ICA1: variants seen among roughly 807,000 people sequenced by gnomAD.
The protein encoded by ICA1 is islet cell autoantigen 1.
A neutral mutation model predicts 71.0 loss-of-function variants in ICA1; 40 were observed. The observed-to-expected ratio is 0.56, with a 90% CI of 0.44 to 0.73. ICA1 has a LOEUF of 0.73. Ranked by LOEUF, ICA1 falls within the 30% of genes least tolerant of loss-of-function variation. ICA1 has a pLI of 0.00. For synonymous variants in ICA1, 207 were observed against 209.5 expected, an observed-to-expected ratio of 0.99 and a Z score of 0.10; for missense variants, 578 against 576.5, an observed-to-expected ratio of 1.00 and a Z score of -0.03.
chr7:8,185,984 A>G (rs1313957177), intron 6 of ICA1, among the ~76,000 whole-genome samples: 2 of 152,218 alleles, frequency 1.3e-5, no homozygotes, highest in Non-Finnish European at 2.9e-5. Context: ...CTGAAAGAGG[A>G]GCTATACAGC....
intron 6 of ICA1, among the ~76,000 whole-genome samples, chr7:8,188,452 G>A (rs1351571040): frequency 2.6e-5 from 4 of 152,134 alleles, no homozygotes; most frequent in African/African-American, 7.2e-5. Flanking sequence ...CATAATGTCC[G>A]ATATCAAGGC....
Position 8,199,584 on chromosome 7 carries a change from GGT to G in ICA1, c.579+18719_579+18720del, listed in dbSNP as rs1788849634. ...AAAAAATTAGCCGGGTGTGGTGACA[GGT>G]GCCTGTAATCCCAGCTACTCAGGAG... On this transcript the variant is annotated intron_variant, in intron 6 of 13. Transcript: ENST00000402384. Among the ~76,000 whole-genome samples, 5 of 152,172 alleles carry G rather than the reference GGT, an allele frequency of 3.3e-5. No individual in the cohort carries two copies. The South Asian group carries it at 8.3e-4, about 25-fold the overall frequency.
chr7:8,125,243 G>A (rs1441853739), intron 13 of ICA1, among the ~76,000 whole-genome samples: 2 of 152,208 alleles, frequency 1.3e-5, no homozygotes, highest in Non-Finnish European at 2.9e-5. Context: ...CTGAAAAAAG[G>A]TCTAAGTTCT....
chr7:8,195,667 C>T (rs559145493), intron 6 of ICA1, among the ~76,000 whole-genome samples: 3 of 152,196 alleles, frequency 2.0e-5, no homozygotes, highest in African/African-American at 7.2e-5. Flanking sequence ...CAACAGTGCT[C>T]CTTGGTGTCC....
At chr7:8,165,238 T>A (rs994599214) in intron 6 of ICA1, among the ~76,000 whole-genome samples, 1 of 152,266 alleles carries the variant, frequency 6.6e-6, no homozygotes, top group Non-Finnish European at 1.5e-5. Context: ...TTCCTTTAAT[T>A]AACAATTTAT....
chr7:8,261,844 C>G (rs1812586766), intron 1 of ICA1, among the ~76,000 whole-genome samples: 1 of 152,188 alleles, frequency 6.6e-6, no homozygotes, highest in African/African-American at 2.4e-5. Flanking sequence ...GGCTGACGCA[C>G]GCTCTCACGG....
chr7:8,247,833 G>T (rs57921261), intron 1 of ICA1, among the ~76,000 whole-genome samples: 5,128 of 152,252 alleles, frequency 0.034, 160 homozygotes, highest in African/African-American at 0.08. Context: ...ATTATGCAAA[G>T]AATCTAAAAT....
chr7:8,237,609 C>A (rs1186929681), intron 1 of ICA1, among the ~76,000 whole-genome samples: 2 of 152,108 alleles, frequency 1.3e-5, no homozygotes, highest in Non-Finnish European at 2.9e-5. Context: ...CCTCCCACAG[C>A]CCCCAGCAAC....
intron 13 of ICA1, among the ~76,000 whole-genome samples, chr7:8,121,402 A>C (rs1237935600): frequency 1.3e-5 from 2 of 152,210 alleles, no homozygotes; most frequent in African/African-American, 4.8e-5. Context: ...GACAACCTAG[A>C]GCAAGAGACA....
chr7:8,178,814 G>C (rs951720736), intron 6 of ICA1, among the ~76,000 whole-genome samples: 3 of 152,076 alleles, frequency 2.0e-5, no homozygotes, highest in Non-Finnish European at 2.9e-5. Context: ...ATCCAGTAAC[G>C]CTTGGTGTCA....
At chr7:8,128,167 A>G (rs761346461) in intron 12 of ICA1, 25 bp from the exon 13 acceptor site, 2 of 1,606,974 alleles carry the variant, frequency 1.2e-6, no homozygotes, top group Non-Finnish European at 1.7e-6. Flanking sequence ...AGAGAACAAA[A>G]CGTCACCACG....
chr7:8,129,349 A>G (rs1790541984), intron 12 of ICA1, among the ~76,000 whole-genome samples: 3 of 151,768 alleles, frequency 2.0e-5, no homozygotes, highest in African/African-American at 7.3e-5. Context: ...AATGTATAAG[A>G]TAATTAGTAA....
intron 2 of ICA1, among the ~76,000 whole-genome samples, chr7:8,235,703 C>A (rs946266436): frequency 6.6e-6 from 1 of 152,116 alleles, no homozygotes; most frequent in Non-Finnish European, 1.5e-5. Context: ...TTAGAGAATG[C>A]ACATTAGGTA....
rs966868637 is a variant in ICA1, at chr7:8,158,082, G to A, written c.705+445C>T. The stretch of plus-strand genomic sequence containing the variant: ...TAGCATTGTTGATGCAGTGTTATCC[G>A]GAAGGAACTCAGAGGCTATCAGGGG... On this transcript the variant is annotated intron_variant, in intron 7 of 13. Transcript: ENST00000402384. Among the ~76,000 whole-genome samples, 5 of 152,238 alleles carry A rather than the reference G, an allele frequency of 3.3e-5. No homozygotes were observed. The East Asian group carries it at 5.8e-4, about 18-fold the overall frequency.
chr7:8,242,735 C>T (rs1298998921), intron 1 of ICA1, among the ~76,000 whole-genome samples: 2 of 152,146 alleles, frequency 1.3e-5, no homozygotes, highest in Non-Finnish European at 2.9e-5. Flanking sequence ...AAGGGGATAT[C>T]ACCACCGATC....
intron 1 of ICA1, among the ~76,000 whole-genome samples, chr7:8,253,615 T>C (rs1808972325): frequency 6.6e-6 from 1 of 152,164 alleles, no homozygotes; most frequent in African/African-American, 2.4e-5. Context: ...TATTTTTTTA[T>C]AATCATATTT....
intron 1 of ICA1, among the ~76,000 whole-genome samples, chr7:8,241,574 T>G (rs993451231): frequency 8.2e-6 from 1 of 121,822 alleles, no homozygotes; most frequent in Non-Finnish European, 1.7e-5. Context: ...AATATTAACC[T>G]TATTGTAAAT....
chr7:8,215,009 G>A (rs1794969841), intron 6 of ICA1, among the ~76,000 whole-genome samples: 1 of 152,076 alleles, frequency 6.6e-6, no homozygotes, highest in Non-Finnish European at 1.5e-5. Context: ...TCATTTCATG[G>A]TTACCTTATG....
chr7:8,157,370 A>G, intron 7 of ICA1, 156 bp from the exon 8 acceptor site: 2 of 716,824 alleles, frequency 2.8e-6, no homozygotes, highest in East Asian at 2.9e-5. Context: ...TACACTCTGT[A>G]TTTCAGCCAA....
Sources: gnomAD v4.1 joint callset for allele counts (sites outside exome capture counted in the v4.1 genomes callset) on GRCh38, gnomAD v4.1.1 for gene constraint, MANE v1.5 for transcripts, NCBI Gene and HGNC (gene_info 2026-07-23, HGNC 2026-07-21) for gene names.